Variants in CDKAL1 observed in about 807,000 individuals in gnomAD.
The protein encoded by CDKAL1 is CDKAL1 threonylcarbamoyladenosine tRNA methylthiotransferase, also known as threonylcarbamoyladenosine tRNA methylthiotransferase.
In CDKAL1, 32 loss-of-function variants were observed where a neutral mutation model predicts 68.2. The observed-to-expected ratio is 0.47, with a 90% CI of 0.35 to 0.63. The LOEUF (loss-of-function observed/expected upper bound fraction) is 0.63, where lower values mean the gene tolerates loss of function less well. Ranked by LOEUF, CDKAL1 falls within the 30% of genes least tolerant of loss-of-function variation. The pLI is 0.00. For synonymous variants in CDKAL1, 234 were observed against 244.3 expected (o/e 0.96, Z 0.39); for missense variants, 606 against 696.7 (o/e 0.87, Z 1.47).
At chr6:20,578,288 G>A (rs1764995597) in intron 4 of CDKAL1, among the ~76,000 whole-genome samples, 1 of 151,990 alleles carries the variant, frequency 6.6e-6, no homozygotes, top group African/African-American at 2.4e-5. Context: ...AAACAAGGTA[G>A]GGGATATTTC....
rs143498445 is a variant in CDKAL1 at position 20,592,571 on chromosome 6, C to T, written c.286+43866C>T. Among the ~76,000 whole-genome samples, 1,227 of 151,458 alleles carry T rather than the reference C, an allele frequency of 8.1e-3. 23 individuals carry two copies. The highest frequency in any genetic ancestry group is 0.028 in the African/African-American group (1,143 of 41,218). ...GCAACCTTCACCTCCTGGGTTCAAG[C>T]GATTCTCCTGCCTCAGCCTCCCACG... On this transcript the variant is annotated intron_variant, in intron 4 of 15. Coordinates refer to ENST00000274695, the MANE Select transcript of CDKAL1 (RefSeq NM_017774.3).
chr6:21,015,742 C>T (rs530302729), intron 11 of CDKAL1, among the ~76,000 whole-genome samples: 11 of 152,072 alleles, frequency 7.2e-5, no homozygotes, highest in South Asian at 2.1e-4. Context: ...GCCTGGCCAA[C>T]GTGACAAAAC....
In CDKAL1 at chr6:21,072,717, G is replaced by T. The variant is rs1171762581; in HGVS notation, c.1236+7489G>T. ...GTCTTTATTTTTTAAAGCACTTTTA[G>T]GTTCACAGCAACATTAAGCAGAAAA... On this transcript the variant is annotated intron_variant, in intron 12 of 15. Transcript: ENST00000274695. 3.0e-5 allele frequency among the ~76,000 whole-genome samples: 4 copies of T among 134,028 alleles called. No individual in the cohort carries two copies. In the East Asian group the frequency reaches 9.0e-4, roughly 30 times the overall value. The allele number at this position is 134,028 out of a possible 152,430, so 87.9% of individuals were successfully genotyped here.
chr6:20,735,284 T>C (rs893184529), intron 5 of CDKAL1, among the ~76,000 whole-genome samples: 9 of 151,066 alleles, frequency 6.0e-5, no homozygotes, highest in African/African-American at 2.2e-4. Context: ...AAGACATACC[T>C]GAGACTGGGT....
intron 9 of CDKAL1, among the ~76,000 whole-genome samples, chr6:20,863,836 A>G (rs555499045): frequency 6.6e-6 from 1 of 152,372 alleles, no homozygotes; most frequent in East Asian, 1.9e-4. Context: ...CTGGAATTAA[A>G]AAGAAAATAC....
At chr6:21,011,039 A>T (rs1561959342) in intron 11 of CDKAL1, among the ~76,000 whole-genome samples, 1 of 130,656 alleles carries the variant, frequency 7.7e-6, no homozygotes, top group Non-Finnish European at 1.6e-5. Context: ...CCGAGATCGC[A>T]CCACTGCACT....
chr6:21,143,721 T>G (rs116014711), intron 13 of CDKAL1, among the ~76,000 whole-genome samples: 1,611 of 152,314 alleles, frequency 0.011, 22 homozygotes, highest in African/African-American at 0.029. Context: ...GCATAATTGT[T>G]TAATGCTGTT....
At chr6:20,802,309 C>G (rs200353326) in intron 8 of CDKAL1, among the ~76,000 whole-genome samples, 10 of 142,352 alleles carry the variant, frequency 7.0e-5, no homozygotes, top group African/African-American at 2.4e-4. Flanking sequence ...AAAACAACAA[C>G]AACAACAATA....
At chr6:21,099,548 T>C (rs1330400660) in intron 12 of CDKAL1, among the ~76,000 whole-genome samples, 2 of 152,156 alleles carry the variant, frequency 1.3e-5, no homozygotes, top group Non-Finnish European at 2.9e-5. Flanking sequence ...AGGGTGAAGA[T>C]TGGACACAGG....
At chr6:20,811,057 A>T (rs1300635183) in intron 8 of CDKAL1, among the ~76,000 whole-genome samples, 1 of 152,176 alleles carries the variant, frequency 6.6e-6, no homozygotes, top group Non-Finnish European at 1.5e-5. Flanking sequence ...TAGCAGGTAC[A>T]ACGTCTTCAT....
chr6:20,689,962 T>A (rs777431720), intron 5 of CDKAL1, among the ~76,000 whole-genome samples: 2 of 152,206 alleles, frequency 1.3e-5, no homozygotes, highest in African/African-American at 4.8e-5. Context: ...CATGGATTTT[T>A]AAAATCATTT....
At chr6:20,570,372 G>A (rs1175366133) in intron 4 of CDKAL1, among the ~76,000 whole-genome samples, 1 of 151,746 alleles carries the variant, frequency 6.6e-6, no homozygotes, top group African/African-American at 2.4e-5. Context: ...AAAGTGCTGG[G>A]ATTACAGGGG....
chr6:20,734,763 A>G (rs13217519), intron 5 of CDKAL1, among the ~76,000 whole-genome samples: 39,775 of 152,026 alleles, frequency 0.26, 5,318 homozygotes, highest in South Asian at 0.39. Flanking sequence ...GTAATTCCAC[A>G]TCATTGCCCA....
chr6:20,566,996 A>G (rs936540535), intron 4 of CDKAL1, among the ~76,000 whole-genome samples: 2 of 152,094 alleles, frequency 1.3e-5, no homozygotes, highest in Non-Finnish European at 2.9e-5. Context: ...CAGAGAATAT[A>G]CTAGGAGGGG....
chr6:20,674,142 T>C (rs1302517101), intron 5 of CDKAL1, among the ~76,000 whole-genome samples: 1 of 152,228 alleles, frequency 6.6e-6, no homozygotes, highest in African/African-American at 2.4e-5. Flanking sequence ...CATTCATTTT[T>C]TTCTAGAATT....
chr6:21,090,805 C>CTTTTTTT (rs67647227), intron 12 of CDKAL1, among the ~76,000 whole-genome samples: 34 of 132,612 alleles, frequency 2.6e-4, no homozygotes, highest in Admixed American at 3.1e-4. Flanking sequence ...TTTCTTTTTT[C>CTTTTTTT]TTTTTTTTTT....
intron 14 of CDKAL1, among the ~76,000 whole-genome samples, chr6:21,198,434 C>T (rs1405155849): frequency 6.6e-6 from 1 of 152,136 alleles, no homozygotes; most frequent in Non-Finnish European, 1.5e-5. Flanking sequence ...CCTGCTCAGA[C>T]CACAGGAAGG....
At chr6:20,968,514 C>T (rs1561924032) in intron 10 of CDKAL1, among the ~76,000 whole-genome samples, 2 of 152,026 alleles carry the variant, frequency 1.3e-5, no homozygotes, top group Non-Finnish European at 1.5e-5. Context: ...TTCAAATATT[C>T]TTTCTGCTCC....
chr6:21,105,461 G>C (rs1031602479), intron 12 of CDKAL1, among the ~76,000 whole-genome samples: 2 of 152,198 alleles, frequency 1.3e-5, no homozygotes, highest in African/African-American at 4.8e-5. Context: ...CTGGAATTGT[G>C]ACTTCAAAGA....
Sources: gnomAD v4.1 joint callset for allele counts (sites outside exome capture counted in the v4.1 genomes callset) on GRCh38, gnomAD v4.1.1 for gene constraint, MANE v1.5 for transcripts, NCBI Gene and HGNC (gene_info 2026-07-23, HGNC 2026-07-21) for gene names.